Variants in NUDT7 observed in about 807,000 individuals in gnomAD.
The protein encoded by NUDT7 is peroxisomal coenzyme A diphosphatase NUDT7.
In NUDT7, 19 loss-of-function variants were observed where a neutral mutation model predicts 13.1. The observed-to-expected ratio is 1.45, with a 90% confidence interval of 1.01 to 2.13. The LOEUF (loss-of-function observed/expected upper bound fraction) is 2.13. NUDT7 is among the 30% of genes most tolerant of loss of function. NUDT7 has a pLI of 0.00. For synonymous variants in NUDT7, 132 were observed against 109.7 expected (o/e 1.20, Z -1.27); for missense variants, 360 against 291.7 (o/e 1.23, Z -1.71).
At chr16:77,739,130 C>A (rs1157310761) in intron 3 of NUDT7, among the ~76,000 whole-genome samples, 1 of 152,198 alleles carries the variant, frequency 6.6e-6, no homozygotes, top group Non-Finnish European at 1.5e-5. Context: ...TCTGATAACT[C>A]ACTGTTACCA....
chr16:77,736,911 T>G (rs1472233520), intron 3 of NUDT7, among the ~76,000 whole-genome samples: 1 of 152,202 alleles, frequency 6.6e-6, no homozygotes, highest in African/African-American at 2.4e-5. Context: ...ACCTTTAATT[T>G]TAATTTCAGA....
chr16:77,724,551 G>A (rs7192834), intron 1 of NUDT7, among the ~76,000 whole-genome samples: 16,366 of 152,090 alleles, frequency 0.11, 963 homozygotes, highest in South Asian at 0.15. Flanking sequence ...GATTACAGGC[G>A]TGAGCCGCTG....
chr16:77,722,780 C>G (rs1370659227), intron 1 of NUDT7, among the ~76,000 whole-genome samples, 163 bp downstream of exon 1: 1 of 152,194 alleles, frequency 6.6e-6, no homozygotes, highest in Admixed American at 6.5e-5. Flanking sequence ...CCCGCAGGGT[C>G]CCCGAACCTT....
At chr16:77,726,074 C>G (rs1055691025) in intron 2 of NUDT7, among the ~76,000 whole-genome samples, 2 of 152,208 alleles carry the variant, frequency 1.3e-5, no homozygotes, top group African/African-American at 4.8e-5. Flanking sequence ...CCAAGGGCCA[C>G]TGTTTTAGAC....
chr16:77,741,166 C>T (rs1014914386), intron 3 of NUDT7, among the ~76,000 whole-genome samples: 1 of 152,120 alleles, frequency 6.6e-6, no homozygotes, highest in African/African-American at 2.4e-5. Context: ...ACCTAAATGC[C>T]TATAAAGTGA....
chr16:77,741,796 T>C lies in NUDT7; in HGVS notation c.563T>C (p.Ile188Thr). Residue 188 changes from isoleucine (I) to threonine (T), a missense_variant, in exon 4 of 4, where the codon ATC becomes ACC. Ile to Thr is a moderately conservative substitution (Grantham distance 89, BLOSUM62 -1). Coordinates refer to ENST00000268533, the MANE Select transcript of NUDT7 (RefSeq NM_001105663.3). ...CCTGAAGACGGTGTCACTTACCAGA[T>C]CAAGGGAATGACGGCAAACCTTGCA... is the stretch of plus-strand genomic sequence containing the variant. ...TNPEDGVTYQ[I>T]KGMTANLAVL... 6.2e-7 allele frequency: 1 copy of C among 1,614,140 alleles called. No homozygotes were observed. The highest frequency in any genetic ancestry group is 8.5e-7 in the Non-Finnish European group (1 of 1,180,030).
rs1251357686 is a variant in NUDT7 at position 77,742,211 on chromosome 16, G to A, written c.*261G>A. On this transcript the variant is annotated 3_prime_UTR_variant, in exon 4 of 4. Coordinates refer to ENST00000268533, the MANE Select transcript of NUDT7 (RefSeq NM_001105663.3). ...ATATTTTTCTTACACATATAATAAA[G>A]AATATCTGGCACATACTAGGCCCTT... 3.2e-6 allele frequency: 3 copies of A among 945,842 alleles called. No homozygotes were observed. Among genetic ancestry groups the A allele is most frequent in the Admixed American group, 9.2e-5 (2 of 21,720 alleles). The allele number at this position is 945,842 out of a possible 1,614,324, so 58.6% of individuals were successfully genotyped here.
intron 2 of NUDT7, among the ~76,000 whole-genome samples, chr16:77,729,148 C>A (rs2014234473): frequency 1.3e-5 from 2 of 151,984 alleles, no homozygotes; most frequent in African/African-American, 2.4e-5. Flanking sequence ...TGCTTAGAGC[C>A]CTTTGCAGTG....
chr16:77,723,088 A>G (rs1310660617), intron 1 of NUDT7, among the ~76,000 whole-genome samples: 1 of 152,330 alleles, frequency 6.6e-6, no homozygotes, highest in South Asian at 2.1e-4. Context: ...AATTGAGACC[A>G]TGCTCAGAAC....
intron 2 of NUDT7, among the ~76,000 whole-genome samples, chr16:77,726,254 A>G (rs562221837): frequency 6.6e-6 from 1 of 152,322 alleles, no homozygotes; most frequent in African/African-American, 2.4e-5. Flanking sequence ...AATGAGGACA[A>G]AATATTAGTA....
Position 77,742,079 on chromosome 16 carries a change from C to A in NUDT7, c.*129C>A. 1.4e-6 allele frequency: 2 copies of A among 1,436,864 alleles called. No individual in the cohort carries two copies. The highest frequency in any genetic ancestry group is 1.4e-5 in the African/African-American group (1 of 70,380). The allele number at this position is 1,436,864 out of a possible 1,614,324, so 89.0% of individuals were successfully genotyped here. ...TTTTTCTGCAGTATGTAGTTAGAATCCTTGCCTCTTTTCCAGTTGCCTTCT... is the reference window on the plus strand; with the variant it reads ...TTTTTCTGCAGTATGTAGTTAGAATACTTGCCTCTTTTCCAGTTGCCTTCT... On this transcript the variant is annotated 3_prime_UTR_variant, in exon 4 of 4. Coordinates refer to ENST00000268533, the MANE Select transcript of NUDT7 (RefSeq NM_001105663.3).
intron 2 of NUDT7, among the ~76,000 whole-genome samples, chr16:77,730,285 C>T (rs182612924): frequency 1.9e-3 from 291 of 152,262 alleles, no homozygotes; most frequent in Non-Finnish European, 3.1e-3. Context: ...AACCTCCCCC[C>T]AAACCACCTC....
chr16:77,730,122 G>C (rs1472499280), intron 2 of NUDT7, among the ~76,000 whole-genome samples: 1 of 152,066 alleles, frequency 6.6e-6, no homozygotes, highest in Non-Finnish European at 1.5e-5. Context: ...ATCTCACATA[G>C]TCATCATCTT....
chr16:77,736,087 TGTACATAAAGTCAAG>T (rs1351122737), intron 3 of NUDT7, 101 bp downstream of exon 3: 1 of 1,124,280 alleles, frequency 8.9e-7, no homozygotes, highest in Non-Finnish European at 1.3e-6. Context: ...CAAAGAGTAC[TGTACATAAAGTCAAG>T]AGAACAGGTT....
In NUDT7 at chr16:77,736,006, C is replaced by T; in HGVS notation, c.348+20C>T. 2 of 1,611,856 alleles carry T rather than the reference C, an allele frequency of 1.2e-6. No homozygotes were observed. Among genetic ancestry groups the T allele is most frequent in the Admixed American group, 3.3e-5 (2 of 59,982 alleles). On this transcript the variant is annotated intron_variant, in intron 3 of 3. Transcript: ENST00000268533. Reference sequence around the variant, plus strand: ...ATTGATGTAAGGGTTTCCTGAGACACTCATGAGCACCGTCCCCACCCCCAG... The same window carrying T: ...ATTGATGTAAGGGTTTCCTGAGACATTCATGAGCACCGTCCCCACCCCCAG...
At chr16:77,736,767 C>A (rs892471157) in intron 3 of NUDT7, 2 of 180,110 alleles carry the variant, frequency 1.1e-5, no homozygotes, top group Non-Finnish European at 2.4e-5. Context: ...TGCTCAGCTT[C>A]TGATCTTACT....
intron 1 of NUDT7, among the ~76,000 whole-genome samples, chr16:77,724,111 C>G (rs1044531965): frequency 5.9e-5 from 9 of 152,258 alleles, no homozygotes; most frequent in African/African-American, 2.2e-4. Context: ...GCCTCACTCC[C>G]TTAGAAGGCT....
intron 3 of NUDT7, among the ~76,000 whole-genome samples, chr16:77,739,365 A>T (rs1051563904): frequency 6.6e-6 from 1 of 152,222 alleles, no homozygotes; most frequent in Non-Finnish European, 1.5e-5. Context: ...GGGATGGGCA[A>T]TTCCCAGAGG....
intron 2 of NUDT7, among the ~76,000 whole-genome samples, chr16:77,729,137 G>C (rs2014234038): frequency 6.6e-6 from 1 of 152,180 alleles, no homozygotes; most frequent in African/African-American, 2.4e-5. Context: ...GACCGCTTTT[G>C]TGCTTAGAGC....
Sources: gnomAD v4.1 joint callset for allele counts (sites outside exome capture counted in the v4.1 genomes callset) on GRCh38, gnomAD v4.1.1 for gene constraint, MANE v1.5 for transcripts, NCBI Gene and HGNC (gene_info 2026-07-23, HGNC 2026-07-21) for gene names.